STPG2: variants seen among roughly 807,000 people sequenced by gnomAD.
The protein encoded by STPG2 is sperm tail PG-rich repeat containing 2, also known as sperm-tail PG-rich repeat-containing protein 2.
Under a neutral mutation model 54.2 loss-of-function variants are expected in STPG2, and 56 were observed. The observed-to-expected ratio is 1.03, with a 90% CI of 0.83 to 1.29. STPG2 has a LOEUF of 1.29. Among genes scored for constraint, STPG2 ranks in the 50% most tolerant of loss-of-function variants. STPG2 has a pLI of 0.00. For synonymous variants in STPG2, 200 were observed against 181.8 expected (o/e 1.10, Z -0.81); for missense variants, 596 against 544.9 (o/e 1.09, Z -0.93).
intron 4 of STPG2, among the ~76,000 whole-genome samples, chr4:97,477,678 G>T (rs1022612902): frequency 2.0e-5 from 3 of 150,604 alleles, no homozygotes; most frequent in African/African-American, 7.3e-5. Flanking sequence ...TTTTAGTAGA[G>T]ATGGGGTTTC....
intron 5 of STPG2, among the ~76,000 whole-genome samples, chr4:98,089,667 C>T (rs1738625667): frequency 6.6e-6 from 1 of 151,054 alleles, no homozygotes; most frequent in Middle Eastern, 3.2e-3. Flanking sequence ...ACATTCCCAC[C>T]AGCAGTGAAA....
At position 97,472,017 on chromosome 4, in the gene STPG2, A is replaced by T. The variant is rs564583240; in HGVS notation, c.462+240682T>A. On this transcript the variant is annotated intron_variant, in intron 4 of 4. Transcript: ENST00000522676. ...GATTTATTTGAGAACATTTATGTGC[A>T]TATTGAGTGTGAACAGTACTTTGTA... 3.3e-5 allele frequency among the ~76,000 whole-genome samples: 5 copies of T among 152,318 alleles called. No homozygotes were observed. In the South Asian group the frequency reaches 1.0e-3, roughly 32 times the overall value.
At chr4:97,885,278 A>T (rs561710834) in intron 8 of STPG2, among the ~76,000 whole-genome samples, 16 of 152,120 alleles carry the variant, frequency 1.1e-4, no homozygotes, top group Non-Finnish European at 2.2e-4. Flanking sequence ...AAAGTGAGAG[A>T]CTGTTGGGTC....
At chr4:97,665,273 G>C (rs1722490416) in intron 10 of STPG2, among the ~76,000 whole-genome samples, 1 of 152,172 alleles carries the variant, frequency 6.6e-6, no homozygotes, top group Non-Finnish European at 1.5e-5. Context: ...GGCAGTTCCT[G>C]AGTTCTTGTC....
At chr4:97,762,732 A>C (rs1725924967) in intron 9 of STPG2, among the ~76,000 whole-genome samples, 1 of 152,156 alleles carries the variant, frequency 6.6e-6, no homozygotes, top group Admixed American at 6.6e-5. Context: ...ACAATAAAAT[A>C]AGTCATTCAA....
intron 9 of STPG2, among the ~76,000 whole-genome samples, chr4:97,825,005 T>C (rs1728208863): frequency 1.3e-5 from 2 of 152,274 alleles, no homozygotes; most frequent in African/African-American, 2.4e-5. Flanking sequence ...TTGGCCTGGC[T>C]AAAATCAGGT....
intron 8 of STPG2, among the ~76,000 whole-genome samples, chr4:97,917,610 T>G (rs1004042882): frequency 5.9e-5 from 9 of 152,092 alleles, no homozygotes; most frequent in South Asian, 2.1e-4. Context: ...TTCAAATAGA[T>G]ACAATAAACT....
At chr4:97,783,214 G>T (rs1726708853) in intron 9 of STPG2, among the ~76,000 whole-genome samples, 1 of 152,044 alleles carries the variant, frequency 6.6e-6, no homozygotes, top group Admixed American at 6.6e-5. Flanking sequence ...AATCTACAAA[G>T]AACTCAAACA....
intron 4 of STPG2, among the ~76,000 whole-genome samples, chr4:97,456,938 T>G (rs1292212227): frequency 1.1e-5 from 1 of 93,952 alleles, no homozygotes; most frequent in South Asian, 3.0e-4. Flanking sequence ...ATGGGTAAAA[T>G]ACCTGAATAG....
intron 5 of STPG2, among the ~76,000 whole-genome samples, chr4:97,987,783 A>T (rs923767656): frequency 1.3e-5 from 2 of 151,850 alleles, no homozygotes; most frequent in African/African-American, 4.8e-5. Context: ...AAATCCAACC[A>T]CTTCTCTCCA....
chr4:98,038,310 T>C (rs182922349), intron 5 of STPG2, among the ~76,000 whole-genome samples: 11 of 152,140 alleles, frequency 7.2e-5, no homozygotes, highest in African/African-American at 2.4e-4. Flanking sequence ...GTCCATTTGA[T>C]ACAAGATTTG....
intron 8 of STPG2, among the ~76,000 whole-genome samples, chr4:97,875,709 A>T (rs1221111033): frequency 6.6e-6 from 1 of 151,776 alleles, no homozygotes; most frequent in Non-Finnish European, 1.5e-5. Flanking sequence ...ACAATTGGAC[A>T]AAAATTATAA....
intron 4 of STPG2, among the ~76,000 whole-genome samples, chr4:97,534,639 G>A (rs1407002149): frequency 6.6e-6 from 1 of 151,936 alleles, no homozygotes; most frequent in African/African-American, 2.4e-5. Context: ...TGAAGTATAA[G>A]TTACATACAT....
chr4:98,041,474 C>G (rs895604173), intron 5 of STPG2, among the ~76,000 whole-genome samples: 9 of 151,612 alleles, frequency 5.9e-5, no homozygotes, highest in African/African-American at 2.2e-4. Flanking sequence ...GGTTTGTTGC[C>G]TATGGCTTTT....
intron 10 of STPG2, among the ~76,000 whole-genome samples, chr4:97,647,507 C>A (rs566159986): frequency 5.1e-4 from 78 of 152,232 alleles, no homozygotes; most frequent in African/African-American, 1.8e-3. Flanking sequence ...AGAATCCCCA[C>A]CCTGCCAGGA....
At chr4:98,033,481 T>A (rs2710861) in intron 5 of STPG2, among the ~76,000 whole-genome samples, 130,571 of 152,004 alleles carry the variant, frequency 0.86, 56,220 homozygotes, top group Middle Eastern at 0.97. Flanking sequence ...AACCAAAAAA[T>A]GTCCAGGACC....
At chr4:97,558,650 G>A (rs1007085649), downstream of STPG2, among the ~76,000 whole-genome samples, 1 of 152,154 alleles carries the variant, frequency 6.6e-6, no homozygotes, top group Non-Finnish European at 1.5e-5. Context: ...CCTTCCCACT[G>A]GAAGTGGCAT....
intron 9 of STPG2, among the ~76,000 whole-genome samples, chr4:97,796,083 G>C (rs530872951): frequency 1.3e-5 from 2 of 152,164 alleles, no homozygotes; most frequent in African/African-American, 4.8e-5. Flanking sequence ...TGAGTTCTTT[G>C]TAGATTCTGG....
chr4:97,856,610 G>A (rs1485984693), intron 8 of STPG2, among the ~76,000 whole-genome samples: 1 of 152,124 alleles, frequency 6.6e-6, no homozygotes, highest in Admixed American at 6.6e-5. Flanking sequence ...CTGCAAACAT[G>A]GTAATTTGAC....
Sources: allele counts gnomAD v4.1 joint callset (sites outside exome capture counted in the v4.1 genomes callset), GRCh38; gene constraint gnomAD v4.1.1; transcripts MANE v1.5; gene names NCBI Gene and HGNC (gene_info 2026-07-23, HGNC 2026-07-21).